Variants in CTNND2 observed in about 807,000 individuals in gnomAD.
CTNND2 encodes catenin delta 2, also known as catenin delta-2.
CTNND2 carries 22 observed loss-of-function variants against 144.4 expected under a neutral mutation model. The ratio of observed to expected loss-of-function variants is 0.15; its 90% CI spans 0.11 to 0.22. The LOEUF (loss-of-function observed/expected upper bound fraction) is 0.22. Among genes scored for constraint, CTNND2 ranks in the 10% least tolerant of loss-of-function variants. The probability of loss-of-function intolerance (pLI) is 1.00; values close to 1 mark genes in which losing one functional copy is unlikely to be tolerated. For missense variants in CTNND2, 1,353 were observed against 1,618.8 expected, an observed-to-expected ratio of 0.84 and a Z score of 2.82; for synonymous variants, 751 against 695.6, an observed-to-expected ratio of 1.08 and a Z score of -1.25.
intron 1 of CTNND2, among the ~76,000 whole-genome samples, chr5:11,902,398 A>G (rs1737984364): frequency 6.6e-6 from 1 of 152,208 alleles, no homozygotes; most frequent in African/African-American, 2.4e-5. Context: ...TATGAGTCAC[A>G]GCAAACACTT....
chr5:11,328,912 A>G (rs1305458880), intron 9 of CTNND2, among the ~76,000 whole-genome samples: 2 of 152,140 alleles, frequency 1.3e-5, no homozygotes, highest in East Asian at 3.9e-4. Flanking sequence ...AATATCCCAG[A>G]TTTGGTGCTT....
chr5:11,816,256 G>A (rs1461510633), intron 1 of CTNND2, among the ~76,000 whole-genome samples: 1 of 152,160 alleles, frequency 6.6e-6, no homozygotes, highest in Non-Finnish European at 1.5e-5. Flanking sequence ...TGAGTATAGA[G>A]TTCCCACTGG....
rs116330105 is a variant in CTNND2, at chr5:11,672,854, G to A, written c.174+59282C>T. ...TCTCTCACAGCTTCCCTTGGCTAGA[G>A]AAGGGAAATCCCCTGACCCCTTGCA... On this transcript the variant is annotated intron_variant, in intron 2 of 21. Coordinates refer to ENST00000304623, the MANE Select transcript of CTNND2 (RefSeq NM_001332.4). 5.8e-3 allele frequency among the ~76,000 whole-genome samples: 877 copies of A among 152,260 alleles called. 10 individuals carry two copies. Among genetic ancestry groups the A allele is most frequent in the African/African-American group, 0.02 (836 of 41,540 alleles).
At chr5:11,000,438 T>C (rs1739828276) in intron 18 of CTNND2, among the ~76,000 whole-genome samples, 3 of 152,134 alleles carry the variant, frequency 2.0e-5, no homozygotes, top group African/African-American at 7.2e-5. Context: ...GGAGAATCGC[T>C]TGAAACCGTA....
rs1261747294 is a variant in CTNND2, at chr5:11,880,646, C to T, written c.37+23171G>A. On this transcript the variant is annotated intron_variant, in intron 1 of 21. Coordinates refer to ENST00000304623, the MANE Select transcript of CTNND2 (RefSeq NM_001332.4). ...CTGCTACTAGTACTACTACTACTAC[C>T]ACTACTACTATCACCACTACTACTA... Among the ~76,000 whole-genome samples the T allele has an allele frequency of 6.5e-5, 8 of 123,280 alleles. 1 individual carries two copies. The highest frequency in any genetic ancestry group is 1.2e-4 in the Non-Finnish European group (7 of 59,120). The allele number at this position is 123,280 out of a possible 152,430, so 80.9% of individuals were successfully genotyped here. A position where few individuals can be genotyped will look rare whatever the true frequency, so the allele number is the denominator to read the frequency against.
chr5:10,987,911 A>G (rs536265677), intron 20 of CTNND2, among the ~76,000 whole-genome samples, 200 bp downstream of exon 20: 1 of 152,136 alleles, frequency 6.6e-6, no homozygotes, highest in Non-Finnish European at 1.5e-5. Flanking sequence ...GGTAGAAAAC[A>G]TTTTATCTTA....
In CTNND2 at chr5:11,190,161, A is replaced by G. The variant is rs149992307; in HGVS notation, c.1975+9287T>C. On this transcript the variant is annotated intron_variant, in intron 11 of 21. Transcript: ENST00000304623. ...CCATCATTGATCCATCAGAATTAACAGCAATGTACTGGGAAGGATTCTTCC... is the reference window on the plus strand; with the variant it reads ...CCATCATTGATCCATCAGAATTAACGGCAATGTACTGGGAAGGATTCTTCC... Among the ~76,000 whole-genome samples, 62 of 152,374 alleles carry G rather than the reference A, an allele frequency of 4.1e-4. No homozygotes were observed. In the East Asian group the frequency reaches 0.011, roughly 28 times the overall value.
rs1428259592 is a variant in CTNND2, at chr5:10,994,611, G to A, written c.3085-1934C>T. Among the ~76,000 whole-genome samples the A allele has an allele frequency of 3.9e-5, 6 of 152,248 alleles. No individual in the cohort carries two copies. In the East Asian group the frequency reaches 1.2e-3, roughly 29 times the overall value. On this transcript the variant is annotated intron_variant, in intron 18 of 21. Transcript: ENST00000304623. ...GGACCTGCAGATGACAATTGAACCAGACCCTGGTGACACAGATCTTGGCTT... is the reference window on the plus strand; with the variant it reads ...GGACCTGCAGATGACAATTGAACCAAACCCTGGTGACACAGATCTTGGCTT...
At chr5:11,765,614 A>C (rs1789537864) in intron 1 of CTNND2, among the ~76,000 whole-genome samples, 1 of 152,162 alleles carries the variant, frequency 6.6e-6, no homozygotes, top group African/African-American at 2.4e-5. Flanking sequence ...AAATATTAAA[A>C]ATATAGCTTG....
intron 1 of CTNND2, among the ~76,000 whole-genome samples, chr5:11,803,549 A>C (rs1238363765): frequency 2.0e-5 from 3 of 152,314 alleles, no homozygotes; most frequent in Non-Finnish European, 4.4e-5. Flanking sequence ...GGATCCACTG[A>C]ACTGAAGATG....
intron 1 of CTNND2, among the ~76,000 whole-genome samples, chr5:11,871,824 T>A (rs554510122): frequency 2.0e-5 from 3 of 152,194 alleles, no homozygotes; most frequent in African/African-American, 7.2e-5. Context: ...AAATTTCTTA[T>A]TCTAATATTG....
At chr5:11,239,657 C>T (rs1742006510) in intron 9 of CTNND2, among the ~76,000 whole-genome samples, 1 of 152,234 alleles carries the variant, frequency 6.6e-6, no homozygotes, top group Admixed American at 6.5e-5. Context: ...CCTTGGAGGC[C>T]CTGCTGGGCT....
At chr5:11,340,648 A>G (rs1304149627) in intron 9 of CTNND2, among the ~76,000 whole-genome samples, 1 of 152,230 alleles carries the variant, frequency 6.6e-6, no homozygotes, top group African/African-American at 2.4e-5. Context: ...ATTTATGTTA[A>G]AAAGAAAATT....
chr5:11,342,563 C>G (rs746748559), intron 9 of CTNND2, among the ~76,000 whole-genome samples: 1 of 152,142 alleles, frequency 6.6e-6, no homozygotes, highest in African/African-American at 2.4e-5. Flanking sequence ...ATAGTGTACA[C>G]CAAGGATTAC....
At chr5:11,631,320 A>G (rs1781401426) in intron 2 of CTNND2, among the ~76,000 whole-genome samples, 2 of 152,164 alleles carry the variant, frequency 1.3e-5, no homozygotes. Context: ...ATTCATGGGG[A>G]TACTTTCTGG....
intron 1 of CTNND2, among the ~76,000 whole-genome samples, chr5:11,819,736 T>TA (rs1793212565): frequency 6.6e-6 from 1 of 152,192 alleles, no homozygotes; most frequent in Non-Finnish European, 1.5e-5. Context: ...GGAAATACTC[T>TA]TGGCAAACTC....
intron 2 of CTNND2, among the ~76,000 whole-genome samples, chr5:11,625,418 T>TCTCTCTCTCG (rs1781105091): frequency 1.3e-5 from 2 of 150,644 alleles, no homozygotes; most frequent in Non-Finnish European, 2.9e-5. Context: ...TCTCTCTCTC[T>TCTCTCTCTCG]CTCTCGCTCT....
chr5:11,051,451 G>A (rs1745814809), intron 16 of CTNND2, among the ~76,000 whole-genome samples: 1 of 152,212 alleles, frequency 6.6e-6, no homozygotes, highest in African/African-American at 2.4e-5. Flanking sequence ...AGCTTTAGCT[G>A]CATTGTAAGC....
At chr5:11,318,958 T>C (rs972840288) in intron 9 of CTNND2, among the ~76,000 whole-genome samples, 5 of 151,834 alleles carry the variant, frequency 3.3e-5, no homozygotes, top group African/African-American at 9.7e-5. Context: ...TGAGAGAACA[T>C]ACTTATATAA....
Sources: gnomAD v4.1 joint callset for allele counts (sites outside exome capture counted in the v4.1 genomes callset) on GRCh38, gnomAD v4.1.1 for gene constraint, MANE v1.5 for transcripts, NCBI Gene and HGNC (gene_info 2026-07-23, HGNC 2026-07-21) for gene names.